The following LDLRAD4 variants were observed in gnomAD, a reference collection of about 807,000 sequenced individuals.
The protein encoded by LDLRAD4 is low density lipoprotein receptor class A domain containing 4, also known as low-density lipoprotein receptor class A domain-containing protein 4.
LDLRAD4 carries 5 observed loss-of-function variants against 17.0 expected under a neutral mutation model. The ratio of observed to expected loss-of-function variants is 0.29; its 90% confidence interval spans 0.15 to 0.62. LDLRAD4 has a LOEUF of 0.62. Among genes scored for constraint, LDLRAD4 ranks in the 20% least tolerant of loss-of-function variants. LDLRAD4 has a pLI of 0.84. For missense variants in LDLRAD4, 340 were observed against 424.7 expected (o/e 0.80, Z 1.75); for synonymous variants, 168 against 171.8 (o/e 0.98, Z 0.17).
intron 2 of LDLRAD4, among the ~76,000 whole-genome samples, chr18:13,424,835 A>T (rs915887672): frequency 6.6e-6 from 1 of 152,084 alleles, no homozygotes. Flanking sequence ...CTCCAGGGGG[A>T]TGTGTAGGAT....
chr18:13,221,910 C>G (rs532522224), intron 1 of LDLRAD4, among the ~76,000 whole-genome samples: 37 of 152,278 alleles, frequency 2.4e-4, no homozygotes, highest in African/African-American at 7.9e-4. Context: ...AAAAATAATG[C>G]TGCACTGTGC....
chr18:13,376,646 A>G (rs2084931161), intron 1 of LDLRAD4, among the ~76,000 whole-genome samples: 1 of 152,152 alleles, frequency 6.6e-6, no homozygotes, highest in Admixed American at 6.5e-5. Flanking sequence ...CAGCAAACTC[A>G]GCACACCCTC....
chr18:13,251,485 A>G (rs1235319812), intron 1 of LDLRAD4, among the ~76,000 whole-genome samples: 1 of 152,230 alleles, frequency 6.6e-6, no homozygotes, highest in African/African-American at 2.4e-5. Context: ...TGAAGACTCT[A>G]CCAAAAAGCT....
intron 2 of LDLRAD4, among the ~76,000 whole-genome samples, chr18:13,426,424 G>C (rs1011975696): frequency 9.8e-5 from 15 of 152,306 alleles, no homozygotes; most frequent in African/African-American, 3.6e-4. Flanking sequence ...TAGGTTGTCA[G>C]AAATAAGTAG....
At chr18:13,385,104 A>G (rs759493436) in intron 1 of LDLRAD4, among the ~76,000 whole-genome samples, 7 of 152,194 alleles carry the variant, frequency 4.6e-5, no homozygotes, top group Non-Finnish European at 7.3e-5. Context: ...TCTCACCAAC[A>G]GTGTACACGG....
chr18:13,285,388 G>C (rs1302371623), intron 1 of LDLRAD4, among the ~76,000 whole-genome samples: 1 of 152,176 alleles, frequency 6.6e-6, no homozygotes, highest in Non-Finnish European at 1.5e-5. Flanking sequence ...GTGGGCAGAG[G>C]GTGACATGGA....
intron 3 of LDLRAD4, among the ~76,000 whole-genome samples, chr18:13,473,691 TTA>T (rs1199973155): frequency 7.5e-6 from 1 of 133,754 alleles, no homozygotes; most frequent in African/African-American, 2.7e-5. Flanking sequence ...CGTTTACATT[TTA>T]TATATATTTA....
intron 3 of LDLRAD4, among the ~76,000 whole-genome samples, chr18:13,530,332 T>A (rs187041030): frequency 6.6e-6 from 1 of 152,230 alleles, no homozygotes; most frequent in African/African-American, 2.4e-5. Context: ...AAAGATGGCC[T>A]CCTCCTTTTT....
chr18:13,643,404 G>A (rs756807028), exon 5 of LDLRAD4: 7 of 1,271,472 alleles, frequency 5.5e-6, no homozygotes, highest in African/African-American at 1.6e-5. Flanking sequence ...GCGGCTGGGC[G>A]CCTCGGAGGT....
At chr18:13,431,350 C>T (rs2090322423) in intron 2 of LDLRAD4, among the ~76,000 whole-genome samples, 1 of 152,194 alleles carries the variant, frequency 6.6e-6, no homozygotes, top group African/African-American at 2.4e-5. Flanking sequence ...AATGCCTCCT[C>T]GCATCTTACA....
intron 1 of LDLRAD4, among the ~76,000 whole-genome samples, chr18:13,247,362 G>A (rs943994344): frequency 2.6e-5 from 4 of 152,100 alleles, no homozygotes; most frequent in Admixed American, 2.0e-4. Context: ...AGAAATTAAC[G>A]TTGGTAGAAA....
chr18:13,519,431 T>C (rs2093919621), intron 3 of LDLRAD4, among the ~76,000 whole-genome samples: 3 of 152,190 alleles, frequency 2.0e-5, no homozygotes, highest in Non-Finnish European at 2.9e-5. Context: ...AAGGGGATGC[T>C]TACCTTTTCT....
At chr18:13,409,684 G>T (rs544755084) in intron 2 of LDLRAD4, among the ~76,000 whole-genome samples, 2 of 152,158 alleles carry the variant, frequency 1.3e-5, no homozygotes, top group South Asian at 2.1e-4. Flanking sequence ...TGGGCCATTC[G>T]CAAGCTGGAG....
At chr18:13,616,257 G>A (rs1055938414) in intron 3 of LDLRAD4, 7 of 151,910 alleles carry the variant, frequency 4.6e-5, no homozygotes, top group East Asian at 1.9e-4. Context: ...CAGGTGGGGG[G>A]GGGGGGGTTG....
chr18:13,543,269 G>A (rs2094311983), intron 3 of LDLRAD4: 2 of 152,342 alleles, frequency 1.3e-5, no homozygotes, highest in South Asian at 4.2e-4. Flanking sequence ...GGAACTAGAG[G>A]TCTTGAGCTC....
chr18:13,372,314 GT>G (rs1188694100), intron 1 of LDLRAD4, among the ~76,000 whole-genome samples: 3 of 152,202 alleles, frequency 2.0e-5, no homozygotes, highest in African/African-American at 7.2e-5. Context: ...AGGTGGTGTA[GT>G]TTTTTTCCTG....
At chr18:13,572,212 T>C (rs953352823) in intron 3 of LDLRAD4, among the ~76,000 whole-genome samples, 4 of 152,258 alleles carry the variant, frequency 2.6e-5, no homozygotes, top group African/African-American at 9.6e-5. Flanking sequence ...GAGCATGTAC[T>C]ACATTGGGGG....
intron 1 of LDLRAD4, among the ~76,000 whole-genome samples, chr18:13,222,152 T>C (rs2041489431): frequency 6.6e-6 from 1 of 152,226 alleles, no homozygotes; most frequent in African/African-American, 2.4e-5. Context: ...GATTTTCCTC[T>C]GTACCCCCTT....
At chr18:13,597,198 TCA>T (rs1343887440) in intron 3 of LDLRAD4, among the ~76,000 whole-genome samples, 1 of 152,210 alleles carries the variant, frequency 6.6e-6, no homozygotes, top group African/African-American at 2.4e-5. Context: ...AATTCTTGGT[TCA>T]CAGTCTTTTT....
Sources: gnomAD v4.1 joint callset for allele counts (sites outside exome capture counted in the v4.1 genomes callset) on GRCh38, gnomAD v4.1.1 for gene constraint, MANE v1.5 for transcripts, NCBI Gene and HGNC (gene_info 2026-07-23, HGNC 2026-07-21) for gene names.